Variants in PLPP1 observed in about 807,000 individuals in gnomAD.
The protein encoded by PLPP1 is phospholipid phosphatase 1, also known as lipid phosphate phosphohydrolase 1a.
In PLPP1, 24 loss-of-function variants were observed where a neutral mutation model predicts 31.2. The observed-to-expected ratio is 0.77, with a 90% CI of 0.56 to 1.08. The LOEUF is 1.08. Among genes scored for constraint, PLPP1 ranks in the 50% least tolerant of loss-of-function variants. The pLI is 0.00. For synonymous variants in PLPP1, 146 were observed against 126.3 expected (o/e 1.16, Z -1.05); for missense variants, 319 against 342.7 (o/e 0.93, Z 0.55).
At chr5:55,478,199 G>T (rs1312313493) in intron 1 of PLPP1, among the ~76,000 whole-genome samples, 2 of 152,044 alleles carry the variant, frequency 1.3e-5, no homozygotes, top group Admixed American at 6.6e-5. Context: ...ACTATTCTTA[G>T]ATTTAGAAAA....
At chr5:55,520,529 T>C (rs939836748) in intron 1 of PLPP1, among the ~76,000 whole-genome samples, 2 of 152,216 alleles carry the variant, frequency 1.3e-5, no homozygotes, top group African/African-American at 4.8e-5. Context: ...TCTCATGCAT[T>C]ATCTCATCTA....
chr5:55,530,784 G>A (rs370764775), intron 1 of PLPP1: 1 of 1,521,522 alleles, frequency 6.6e-7, no homozygotes, highest in Non-Finnish European at 9.1e-7. Flanking sequence ...TACAGAAAAC[G>A]TGCTGACAGG....
intron 3 of PLPP1, among the ~76,000 whole-genome samples, chr5:55,467,079 G>A (rs751099303): frequency 2.4e-4 from 37 of 152,076 alleles, no homozygotes; most frequent in Non-Finnish European, 4.6e-4. Flanking sequence ...GCAGAAAGGA[G>A]CCCAATAAGG....
intron 1 of PLPP1, among the ~76,000 whole-genome samples, chr5:55,488,428 C>T (rs1049548162): frequency 6.6e-6 from 1 of 151,840 alleles, no homozygotes; most frequent in South Asian, 2.1e-4. Context: ...GGTGGATCAC[C>T]TGAGGTCAGG....
At chr5:55,475,594 A>T in intron 1 of PLPP1, 144 bp from the exon 2 acceptor site, 1 of 706,516 alleles carries the variant, frequency 1.4e-6, no homozygotes, top group Non-Finnish European at 2.2e-6. Flanking sequence ...AAATGCAGCA[A>T]TGCATGCAAC....
At chr5:55,467,227 G>C (rs761521290) in intron 3 of PLPP1, among the ~76,000 whole-genome samples, 2 of 152,196 alleles carry the variant, frequency 1.3e-5, no homozygotes, top group Non-Finnish European at 2.9e-5. Context: ...GGTGGGACTA[G>C]ATCAGGGTTC....
intron 1 of PLPP1, among the ~76,000 whole-genome samples, chr5:55,527,601 G>A (rs139479695): frequency 6.6e-6 from 1 of 152,296 alleles, no homozygotes; most frequent in African/African-American, 2.4e-5. Context: ...GTCCTGCCAA[G>A]AAAAGCAGCA....
At chr5:55,517,434 C>T (rs1157297552) in intron 1 of PLPP1, among the ~76,000 whole-genome samples, 1 of 152,046 alleles carries the variant, frequency 6.6e-6, no homozygotes, top group Non-Finnish European at 1.5e-5. Flanking sequence ...TGGGCTCAAG[C>T]GACCTGCCCA....
intron 1 of PLPP1, among the ~76,000 whole-genome samples, chr5:55,512,392 A>ACCCGGG (rs1441265536): frequency 1.1e-4 from 16 of 151,176 alleles, no homozygotes; most frequent in Non-Finnish European, 2.2e-4. Context: ...AATCACTTGA[A>ACCCGGG]CCCGGGAAGT....
chr5:55,469,396 G>A (rs1393253348), intron 2 of PLPP1, among the ~76,000 whole-genome samples: 6 of 151,782 alleles, frequency 4.0e-5, no homozygotes, highest in South Asian at 4.2e-4. Context: ...AAACTGAGGC[G>A]GGAGAATCAA....
chr5:55,444,457 C>T (rs993029986), intron 3 of PLPP1, among the ~76,000 whole-genome samples: 2 of 152,176 alleles, frequency 1.3e-5, no homozygotes, highest in African/African-American at 4.8e-5. Flanking sequence ...GAACCCTGCC[C>T]TTAGACTTTA....
intron 3 of PLPP1, among the ~76,000 whole-genome samples, chr5:55,465,938 TGCAGG>T (rs1490124242): frequency 2.8e-5 from 2 of 71,898 alleles, no homozygotes; most frequent in Admixed American, 1.6e-4. Flanking sequence ...TGCTTGCCCT[TGCAGG>T]GAATGAGATC....
rs1753720911 is a variant in PLPP1, at chr5:55,523,651, TAA to T, written c.58+10919_58+10920del. Among the ~76,000 whole-genome samples, 4 of 152,290 alleles carry T rather than the reference TAA, an allele frequency of 2.6e-5. No individual in the cohort carries two copies. The South Asian group carries it at 8.3e-4, about 32-fold the overall frequency. The stretch of plus-strand genomic sequence containing the variant: ...TTTTATCCATTCTGGCATTTAGAAA[TAA>T]AAGTTACAAAATTCACTATTAAAAA... On this transcript the variant is annotated intron_variant, in intron 1 of 5. Transcript: ENST00000307259.
intron 1 of PLPP1, chr5:55,508,999 A>C (rs1753346857): frequency 6.5e-6 from 1 of 153,196 alleles, no homozygotes; most frequent in Non-Finnish European, 1.5e-5. Flanking sequence ...GTGAAATGGA[A>C]TTAGAACTGA....
intron 1 of PLPP1, among the ~76,000 whole-genome samples, chr5:55,534,056 T>C (rs937186838): frequency 4.6e-5 from 7 of 152,136 alleles, no homozygotes; most frequent in African/African-American, 1.4e-4. Context: ...GGCGTGCTCA[T>C]CCCTACTTGC....
intron 1 of PLPP1, among the ~76,000 whole-genome samples, chr5:55,527,499 A>G (rs1421357422): frequency 6.6e-6 from 1 of 152,160 alleles, no homozygotes; most frequent in Non-Finnish European, 1.5e-5. Context: ...TCCTGTTTGC[A>G]TTTGCCATTA....
At position 55,439,665 on chromosome 5, in the gene PLPP1, T is replaced by C. The variant is rs144517994; in HGVS notation, c.549+2186A>G. On this transcript the variant is annotated intron_variant, in intron 4 of 5. Coordinates refer to ENST00000307259, the MANE Select transcript of PLPP1 (RefSeq NM_003711.4). ...GGCCTGCCACTGAGGCCCTCTATTA[T>C]ATCAATGTCATCCTCTCTATAGTAA... 3.3e-3 allele frequency among the ~76,000 whole-genome samples: 499 copies of C among 152,304 alleles called. 4 individuals carry two copies. Among genetic ancestry groups the C allele is most frequent in the African/African-American group, 0.012 (484 of 41,564 alleles).
intron 1 of PLPP1, among the ~76,000 whole-genome samples, chr5:55,518,948 CAACT>C (rs1347095405): frequency 2.0e-5 from 3 of 151,992 alleles, no homozygotes; most frequent in Admixed American, 1.3e-4. Context: ...ACTTCCAAAC[CAACT>C]GTTTTTACTA....
intron 2 of PLPP1, among the ~76,000 whole-genome samples, chr5:55,473,886 C>G (rs1189774003): frequency 6.6e-6 from 1 of 152,040 alleles, no homozygotes; most frequent in Non-Finnish European, 1.5e-5. Context: ...CCAGGTTGGT[C>G]TCAATACTTC....
Sources: gnomAD v4.1 joint callset for allele counts (sites outside exome capture counted in the v4.1 genomes callset) on GRCh38, gnomAD v4.1.1 for gene constraint, MANE v1.5 for transcripts, NCBI Gene and HGNC (gene_info 2026-07-23, HGNC 2026-07-21) for gene names.